DGCR8: variants seen among roughly 807,000 people sequenced by gnomAD.
The protein encoded by DGCR8 is microprocessor complex subunit DGCR8.
In DGCR8, 14 loss-of-function variants were observed where a neutral mutation model predicts 78.5. The observed-to-expected ratio is 0.18, with a 90% CI of 0.12 to 0.28. The LOEUF is 0.28. DGCR8 is among the 10% of genes least tolerant of loss of function. DGCR8 has a pLI of 1.00. For missense variants in DGCR8, 702 were observed against 1,022.5 expected, an observed-to-expected ratio of 0.69 and a Z score of 4.28; for synonymous variants, 399 against 402.4, an observed-to-expected ratio of 0.99 and a Z score of 0.10.
At chr22:20,090,852 C>T (rs1242205692) in intron 5 of DGCR8, among the ~76,000 whole-genome samples, 1 of 152,198 alleles carries the variant, frequency 6.6e-6, no homozygotes, top group Non-Finnish European at 1.5e-5. Context: ...TTTCCATTTT[C>T]TAGGTTTCTA....
Position 20,086,002 on chromosome 22 carries a change from G to A in DGCR8, c.39G>A (p.Gly13=). Residue 13 remains glycine (G), a synonymous_variant, in exon 2 of 14, where the codon GGG becomes GGA. Transcript: ENST00000351989. This position sits in a 1 kb window ranked among gnomAD's most constrained non-coding sequence, Gnocchi z 6.4. ...AGAGCCCCTCTCCGCTCCCGTGTGGGCCCGCAGGAGAAGCGGTGATGGAGA... is the reference window on the plus strand; with the variant it reads ...AGAGCCCCTCTCCGCTCCCGTGTGGACCCGCAGGAGAAGCGGTGATGGAGA... ...TDESPSPLPC[G]PAGEAVMESR... is the part of the protein sequence containing the mutation. The A allele has an allele frequency of 6.2e-7, 1 of 1,609,662 alleles. No individual in the cohort carries two copies. The highest frequency in any genetic ancestry group is 8.5e-7 in the Non-Finnish European group (1 of 1,177,496).
chr22:20,089,874 A>G lies in DGCR8; in HGVS notation c.1023+63A>G. 1 of 1,601,612 alleles carries G rather than the reference A, an allele frequency of 6.2e-7. No individual in the cohort carries two copies. On this transcript the variant is annotated intron_variant, in intron 4 of 13. Transcript: ENST00000351989. This position sits in a 1 kb window ranked among gnomAD's most constrained non-coding sequence, Gnocchi z 4.9. Reference sequence around the variant, plus strand: ...TTCTCAGACCAAAACGTGCACATCCACACACATGGCACCGCAGCCAAGCAG... The same window carrying G: ...TTCTCAGACCAAAACGTGCACATCCGCACACATGGCACCGCAGCCAAGCAG...
Position 20,094,753 on chromosome 22 carries a change from A to G in DGCR8, c.1746A>G (p.Lys582=). ...AAATCCTCATCCCTGACTTTGTTAA[A>G]CAGACCTCTGAAGAGAAGCCCAAAG... ...TLEILIPDFV[K]QTSEEKPKDS... Residue 582 remains lysine (K), a synonymous_variant, in exon 9 of 14, where the codon AAA becomes AAG. Transcript: ENST00000351989. 1.2e-6 allele frequency: 2 copies of G among 1,614,170 alleles called. No homozygotes were observed. The highest frequency in any genetic ancestry group is 1.7e-6 in the Non-Finnish European group (2 of 1,180,008).
At chr22:20,109,362 C>G (rs1276030647) in intron 13 of DGCR8, among the ~76,000 whole-genome samples, 2 of 152,156 alleles carry the variant, frequency 1.3e-5, no homozygotes, top group Non-Finnish European at 2.9e-5. Flanking sequence ...CTCCTAAAGC[C>G]ACCTTGGGAA....
rs1042969581 is a variant in DGCR8, at chr22:20,084,992, C to T, written c.-277-695C>T. 5.1e-6 allele frequency: 5 copies of T among 985,420 alleles called. No homozygotes were observed. In the African/African-American group the frequency reaches 7.0e-5, roughly 14 times the overall value. 61.0% of individuals were successfully genotyped at this position (985,420 alleles called of 1,614,324 possible). On this transcript the variant is annotated intron_variant, in intron 1 of 13. Coordinates refer to ENST00000351989, the MANE Select transcript of DGCR8 (RefSeq NM_022720.7). ...GTGGCACCCAGGCCTCTCTGTGCCT[C>T]GGCTCCAGCTGTCTCTTGTGGCTCC...
intron 8 of DGCR8, among the ~76,000 whole-genome samples, chr22:20,094,284 G>T (rs529632104): frequency 2.6e-5 from 4 of 152,168 alleles, no homozygotes; most frequent in Non-Finnish European, 5.9e-5. Context: ...TCCCTCTAGC[G>T]TCTCTCAGAC....
In DGCR8 at chr22:20,107,079, ACT is replaced by A. The variant is rs1435934777; in HGVS notation, c.1997-186_1997-185del. On this transcript the variant is annotated intron_variant, in intron 11 of 13. Coordinates refer to ENST00000351989, the MANE Select transcript of DGCR8 (RefSeq NM_022720.7). ...CCTCAGCTCCTAGACTCTGAGGGCC[ACT>A]CTCTCAAGGTGGCAGCTGGGTACTG... The A allele has an allele frequency of 6.4e-6, 4 of 628,684 alleles. No homozygotes were observed. The African/African-American group carries it at 7.3e-5, about 11-fold the overall frequency. 38.9% of individuals were successfully genotyped at this position (628,684 alleles called of 1,614,324 possible).
At position 20,092,901 on chromosome 22, in the gene DGCR8, A is replaced by G. The variant is rs1482557588; in HGVS notation, c.1699A>G (p.Lys567Glu). 1 of 1,613,052 alleles carries G rather than the reference A, an allele frequency of 6.2e-7. No homozygotes were observed. Among genetic ancestry groups the G allele is most frequent in the South Asian group, 1.1e-5 (1 of 91,032 alleles). Residue 567 changes from lysine to glutamate, a missense_variant, in exon 8 of 14, where the codon AAA (lysine) becomes GAA (glutamate). Physicochemically the swap from Lys to Glu is moderately conservative, Grantham distance 56. Coordinates refer to ENST00000351989, the MANE Select transcript of DGCR8 (RefSeq NM_022720.7). ...TASSKKLAKN[K>E]AARATLEILI... ...AAGCAGCAAAAAACTTGCGAAGAAT[A>G]AAGCTGGTAACGTGCTTGCTTGGGT...
Position 20,086,830 on chromosome 22 carries a change from A to G in DGCR8, c.720+147A>G. On this transcript the variant is annotated intron_variant, in intron 2 of 13. Transcript: ENST00000351989. The surrounding 1 kb of genome is among the most constrained non-coding windows in gnomAD (Gnocchi z 6.4). Reference sequence around the variant, plus strand: ...CTGAGGTGGAATAATGTTAATGTGGAGAAGAGAAAGATGTAAGGAGTCCAG... The same window carrying G: ...CTGAGGTGGAATAATGTTAATGTGGGGAAGAGAAAGATGTAAGGAGTCCAG... The G allele has an allele frequency of 9.7e-7, 1 of 1,026,938 alleles. No homozygotes were observed. The highest frequency in any genetic ancestry group is 1.4e-6 in the Non-Finnish European group (1 of 719,384). 63.6% of individuals were successfully genotyped at this position (1,026,938 alleles called of 1,614,324 possible).
chr22:20,098,124 C>G (rs568469944), intron 9 of DGCR8, among the ~76,000 whole-genome samples: 1 of 129,944 alleles, frequency 7.7e-6, no homozygotes, highest in Non-Finnish European at 1.7e-5. Flanking sequence ...AGACTCCTGT[C>G]TCAAAAAAAA....
chr22:20,100,813 G>T, intron 9 of DGCR8: 1 of 985,312 alleles, frequency 1.0e-6, no homozygotes, highest in Non-Finnish European at 1.2e-6. Flanking sequence ...CCCCTACTCC[G>T]ATCCTCCCAC....
intron 13 of DGCR8, among the ~76,000 whole-genome samples, chr22:20,109,772 T>G (rs750294522): frequency 2.0e-5 from 3 of 152,336 alleles, no homozygotes; most frequent in African/African-American, 4.8e-5. Flanking sequence ...TCTTCACTTC[T>G]TGGTACATGT....
chr22:20,095,588 T>C (rs2049619319), intron 9 of DGCR8, among the ~76,000 whole-genome samples: 1 of 152,242 alleles, frequency 6.6e-6, no homozygotes, highest in African/African-American at 2.4e-5. Flanking sequence ...TATTTTGTTA[T>C]GTACATATTA....
At chr22:20,092,397 C>T (rs2049576201) in intron 7 of DGCR8, among the ~76,000 whole-genome samples, 1 of 152,216 alleles carries the variant, frequency 6.6e-6, no homozygotes, top group Non-Finnish European at 1.5e-5. Context: ...TTTGTGAAGA[C>T]CAGTCTGTCT....
rs1320697208 is a variant in DGCR8, at chr22:20,087,536, A to C, written c.880+215A>C. Among the ~76,000 whole-genome samples, 1 of 152,040 alleles carries C rather than the reference A, an allele frequency of 6.6e-6. No homozygotes were observed. Among genetic ancestry groups the C allele is most frequent in the Admixed American group, 6.6e-5 (1 of 15,260 alleles). On this transcript the variant is annotated intron_variant, in intron 3 of 13. Coordinates refer to ENST00000351989, the MANE Select transcript of DGCR8 (RefSeq NM_022720.7). The surrounding 1 kb of genome is among the most constrained non-coding windows in gnomAD (Gnocchi z 4.1). ...GCGGATCCTGGTGTGTGCTATGGAAACCACAGAGCAGCAGGCACTGTGCAG... is the reference window on the plus strand; with the variant it reads ...GCGGATCCTGGTGTGTGCTATGGAACCCACAGAGCAGCAGGCACTGTGCAG...
At chr22:20,094,631 G>A in intron 8 of DGCR8, 82 bp from the exon 9 acceptor site, 1 of 1,256,190 alleles carries the variant, frequency 8.0e-7, no homozygotes, top group Non-Finnish European at 1.2e-6. Flanking sequence ...GGGATGGGAG[G>A]CAGCAGTGCA....
chr22:20,107,200 G>C, intron 11 of DGCR8, 71 bp from the exon 12 acceptor site: 1 of 1,592,022 alleles, frequency 6.3e-7, no homozygotes, highest in East Asian at 2.2e-5. Flanking sequence ...GGAGGGCTGG[G>C]AGCGGCAGGG....
In DGCR8 at chr22:20,089,598, C is replaced by A; in HGVS notation, c.881-71C>A. 3 of 1,543,396 alleles carry A rather than the reference C, an allele frequency of 1.9e-6. No individual in the cohort carries two copies. The highest frequency in any genetic ancestry group is 1.2e-5 in the South Asian group (1 of 86,678). ...TGCTAGTACCCAACAATTTCTTGTG[C>A]AGGAGGTGCTGTGGCAACAATTCCA... On this transcript the variant is annotated intron_variant, in intron 3 of 13. Coordinates refer to ENST00000351989, the MANE Select transcript of DGCR8 (RefSeq NM_022720.7). The surrounding 1 kb of genome is among the most constrained non-coding windows in gnomAD (Gnocchi z 4.9).
intron 12 of DGCR8, chr22:20,107,709 C>T (rs766883745): frequency 4.7e-5 from 18 of 385,044 alleles, no homozygotes; most frequent in Middle Eastern, 7.7e-4. Flanking sequence ...AAGGTGCGCC[C>T]GGCTCGGAGG....
Sources: allele counts gnomAD v4.1 joint callset (sites outside exome capture counted in the v4.1 genomes callset), GRCh38; gene constraint gnomAD v4.1.1; non-coding constraint Gnocchi (gnomAD v3.1); transcripts MANE v1.5; gene names NCBI Gene and HGNC (gene_info 2026-07-23, HGNC 2026-07-21).